P4HA3: variants seen among roughly 807,000 people sequenced by gnomAD.
The protein encoded by P4HA3 is prolyl 4-hydroxylase subunit alpha-3.
A neutral mutation model predicts 66.7 loss-of-function variants in P4HA3; 60 were observed. The observed-to-expected ratio is 0.90, with a 90% confidence interval of 0.73 to 1.12. The LOEUF is 1.12. P4HA3 is among the 50% of genes most tolerant of loss of function. The probability of loss-of-function intolerance (pLI) is 0.00; values close to 1 mark genes in which losing one functional copy is unlikely to be tolerated. For synonymous variants in P4HA3, 263 were observed against 274.6 expected, an observed-to-expected ratio of 0.96 and a Z score of 0.42; for missense variants, 683 against 685.8, an observed-to-expected ratio of 1.00 and a Z score of 0.05.
chr11:74,250,878 C>T (rs913500213), intron 15 of P4HA3: 2 of 1,320,802 alleles, frequency 1.5e-6, no homozygotes, highest in African/African-American at 2.9e-5. Flanking sequence ...TCCTGGGCTC[C>T]TGGAATGACC....
rs1860921445 is a variant in P4HA3 at position 74,289,302 on chromosome 11, T to G, written c.718-172A>C. 2.0e-5 allele frequency among the ~76,000 whole-genome samples: 3 copies of G among 152,064 alleles called. No individual in the cohort carries two copies. The South Asian group carries it at 6.2e-4, about 31-fold the overall frequency. On this transcript the variant is annotated intron_variant, in intron 4 of 12. Transcript: ENST00000331597. The stretch of plus-strand genomic sequence containing the variant: ...AAATGCAGAGGATCTGTGGCCTCAC[T>G]GCAAATCAGGTCTCACCAGTCTCCT...
chr11:74,302,415 T>A lies in P4HA3; in HGVS notation c.521A>T (p.Lys174Ile). Residue 174 changes from lysine (K) to isoleucine (I), a missense_variant, in exon 3 of 13, where the codon AAA (lysine) becomes ATA (isoleucine). Coordinates refer to ENST00000331597, the MANE Select transcript of P4HA3 (RefSeq NM_182904.5). ...ATCCCCTGTGAGAGAAAAGAGCCGT[T>A]TGGGGCTGTACAGGTCAGTGATGGC... is the stretch of plus-strand genomic sequence containing the variant. ...GSAITDLYSP[K>I]RLFSLTGDDC... 1.2e-6 allele frequency: 2 copies of A among 1,614,036 alleles called. No individual in the cohort carries two copies. Among genetic ancestry groups the A allele is most frequent in the Non-Finnish European group, 1.7e-6 (2 of 1,180,012 alleles).
chr11:74,299,303 G>A (rs1861326541), intron 3 of P4HA3, among the ~76,000 whole-genome samples: 1 of 152,208 alleles, frequency 6.6e-6, no homozygotes, highest in Non-Finnish European at 1.5e-5. Flanking sequence ...ACATGGAACT[G>A]TAAAGTTACA....
chr11:74,265,173 C>T (rs1000772861), downstream of P4HA3, among the ~76,000 whole-genome samples: 7 of 152,186 alleles, frequency 4.6e-5, no homozygotes, highest in East Asian at 7.7e-4. Flanking sequence ...AGTCCAGGTT[C>T]TGTGAAGAAA....
chr11:74,293,098 A>T (rs1324952996), intron 4 of P4HA3, among the ~76,000 whole-genome samples: 7 of 151,590 alleles, frequency 4.6e-5, no homozygotes. Context: ...TTTGTAGGTC[A>T]CTCAGGACTT....
At chr11:74,301,687 A>G (rs576656279) in intron 3 of P4HA3, among the ~76,000 whole-genome samples, 1 of 152,364 alleles carries the variant, frequency 6.6e-6, no homozygotes, top group East Asian at 1.9e-4. Flanking sequence ...GGCAAAGAGT[A>G]TATTACAAAA....
intron 4 of P4HA3, among the ~76,000 whole-genome samples, chr11:74,292,147 T>G (rs1861051221): frequency 6.6e-6 from 1 of 152,238 alleles, no homozygotes; most frequent in African/African-American, 2.4e-5. Context: ...TATTCAGAGA[T>G]TCAACTTCTT....
chr11:74,298,150 A>C, intron 4 of P4HA3, 62 bp downstream of exon 4: 3 of 1,542,186 alleles, frequency 1.9e-6, no homozygotes, highest in Non-Finnish European at 2.6e-6. Context: ...AGAAATTGTA[A>C]AGCAGCTATA....
intron 4 of P4HA3, among the ~76,000 whole-genome samples, chr11:74,290,033 T>C (rs2134778976): frequency 6.6e-6 from 1 of 152,274 alleles, no homozygotes; most frequent in East Asian, 1.9e-4. Context: ...TCTTCCACAA[T>C]GGTTGAACTA....
At chr11:74,288,985 C>T (rs931095981) in intron 5 of P4HA3, 94 bp downstream of exon 5, 4 of 748,206 alleles carry the variant, frequency 5.3e-6, no homozygotes, top group African/African-American at 1.9e-5. Context: ...AGATAGATAG[C>T]TGTATTTCTC....
Position 74,306,841 on chromosome 11 carries a change from G to T in P4HA3, c.201-2429C>A, listed in dbSNP as rs1861594858. 2.0e-5 allele frequency among the ~76,000 whole-genome samples: 3 copies of T among 152,310 alleles called. No individual in the cohort carries two copies. The South Asian group carries it at 6.2e-4, about 32-fold the overall frequency. Reference sequence around the variant, plus strand: ...GGGTCTCCCAGTGGGGAAATGGGAAGCCTGTCAAGTCCCAGGGTGTCTCTG... The same window carrying T: ...GGGTCTCCCAGTGGGGAAATGGGAATCCTGTCAAGTCCCAGGGTGTCTCTG... On this transcript the variant is annotated intron_variant, in intron 1 of 12. Coordinates refer to ENST00000331597, the MANE Select transcript of P4HA3 (RefSeq NM_182904.5).
At chr11:74,255,706 CTG>C (rs1241288390) in intron 15 of P4HA3, among the ~76,000 whole-genome samples, 11 of 152,214 alleles carry the variant, frequency 7.2e-5, no homozygotes, top group Non-Finnish European at 1.6e-4. Context: ...TCAGGGCCGT[CTG>C]TGGGCCAATA....
In P4HA3 at chr11:74,273,582, A is replaced by T; in HGVS notation, c.1361T>A (p.Met454Lys). ...TGTTGCAACTCGGTTTCCTGACTTC[A>T]TTCTGTAGAGGGGGCTGCTTGGTGA... The part of the protein sequence containing the change: ...ATSPSSPLYR[M>K]KSGNRVATFM... The change falls in exon 10 of 13, where the codon ATG becomes AAG. Residue 454 changes from methionine (M) to lysine (K), a missense_variant. Met to Lys is a moderately conservative substitution (Grantham distance 95). Transcript: ENST00000331597. 6.4e-7 allele frequency: 1 copy of T among 1,569,890 alleles called. No homozygotes were observed. The highest frequency in any genetic ancestry group is 8.6e-7 in the Non-Finnish European group (1 of 1,161,228).
intron 5 of P4HA3, among the ~76,000 whole-genome samples, chr11:74,288,144 T>C (rs1167755675): frequency 1.3e-5 from 2 of 152,090 alleles, no homozygotes; most frequent in African/African-American, 2.4e-5. Flanking sequence ...AGCAAATACA[T>C]ACATATAACT....
intron 15 of P4HA3, among the ~76,000 whole-genome samples, chr11:74,252,922 G>C (rs866930890): frequency 6.6e-6 from 1 of 152,166 alleles, no homozygotes; most frequent in Non-Finnish European, 1.5e-5. Flanking sequence ...AGTCTGTACT[G>C]CAGAAGGCCT....
downstream of P4HA3, among the ~76,000 whole-genome samples, chr11:74,262,975 G>A (rs898757734): frequency 2.6e-5 from 4 of 152,224 alleles, no homozygotes; most frequent in Non-Finnish European, 2.9e-5. Flanking sequence ...CAGGGTGGCC[G>A]CTGCACCTTG....
intron 4 of P4HA3, among the ~76,000 whole-genome samples, chr11:74,291,360 T>C (rs1169007953): frequency 6.6e-6 from 1 of 152,064 alleles, no homozygotes; most frequent in African/African-American, 2.4e-5. Context: ...GACGATGGGG[T>C]TTTCTAGATA....
chr11:74,288,977 A>G (rs1860902769), intron 5 of P4HA3, 102 bp downstream of exon 5: 2 of 719,484 alleles, frequency 2.8e-6, no homozygotes, highest in Non-Finnish European at 4.1e-6. Flanking sequence ...GATAATAAAG[A>G]TAGATAGCTG....
Position 74,286,051 on chromosome 11 carries a change from A to G in P4HA3, c.934-66T>C, listed in dbSNP as rs1206227103. 4 of 1,522,554 alleles carry G rather than the reference A, an allele frequency of 2.6e-6. No individual in the cohort carries two copies. In the African/African-American group the frequency reaches 4.2e-5, roughly 16 times the overall value. The allele number at this position is 1,522,554 out of a possible 1,614,324, so 94.3% of individuals were successfully genotyped here. A position where few individuals can be genotyped will look rare whatever the true frequency, so the allele number is the denominator to read the frequency against. ...CTAGGAGCAAAACTCAACTTAGGGG[A>G]ACTATGGCATAAAAAAATTGGAATG... On this transcript the variant is annotated intron_variant, in intron 6 of 12. Transcript: ENST00000331597.
Sources: gnomAD v4.1 joint callset for allele counts (sites outside exome capture counted in the v4.1 genomes callset) on GRCh38, gnomAD v4.1.1 for gene constraint, MANE v1.5 for transcripts, NCBI Gene and HGNC (gene_info 2026-07-23, HGNC 2026-07-21) for gene names.